The following IMMP2L variants were observed in gnomAD, a reference collection of about 807,000 sequenced individuals.
IMMP2L encodes the protein mitochondrial inner membrane protease subunit 2.
In IMMP2L, 18 loss-of-function variants were observed where a neutral mutation model predicts 19.3. That is an observed-to-expected ratio of 0.93 (90% CI 0.64 to 1.38). The LOEUF is 1.38. Ranked by LOEUF, IMMP2L falls within the 40% of genes most tolerant of loss-of-function variation. The pLI is 0.00. For missense variants in IMMP2L, 233 were observed against 218.2 expected (o/e 1.07, Z -0.43); for synonymous variants, 76 against 73.0 (o/e 1.04, Z -0.21).
At chr7:111,467,121 A>G (rs981582375) in intron 3 of IMMP2L, among the ~76,000 whole-genome samples, 54 of 152,180 alleles carry the variant, frequency 3.5e-4, no homozygotes, top group Non-Finnish European at 7.2e-4. Context: ...CCAAGTGGTC[A>G]AAAGCACAGC....
chr7:111,401,492 A>C (rs1050070239), intron 3 of IMMP2L, among the ~76,000 whole-genome samples: 2 of 152,168 alleles, frequency 1.3e-5, no homozygotes, highest in African/African-American at 4.8e-5. Flanking sequence ...TAGGATTAAA[A>C]CTGCAGTTCT....
At chr7:110,765,853 G>A (rs1049653127) in intron 5 of IMMP2L, among the ~76,000 whole-genome samples, 49 of 151,914 alleles carry the variant, frequency 3.2e-4, no homozygotes, top group Non-Finnish European at 5.7e-4. Flanking sequence ...TTTAAAGTAG[G>A]CTAGTATTTC....
At chr7:111,022,716 C>T (rs1585804088) in intron 3 of IMMP2L, among the ~76,000 whole-genome samples, 2 of 152,196 alleles carry the variant, frequency 1.3e-5, no homozygotes, top group East Asian at 3.8e-4. Flanking sequence ...GGACTAAAAA[C>T]AGAAGCAGAG....
At chr7:111,321,157 T>C (rs910149409) in intron 3 of IMMP2L, among the ~76,000 whole-genome samples, 7 of 152,008 alleles carry the variant, frequency 4.6e-5, no homozygotes, top group African/African-American at 1.4e-4. Flanking sequence ...GGAAAGTCAA[T>C]TGATCAAGAG....
intron 3 of IMMP2L, among the ~76,000 whole-genome samples, chr7:111,319,755 G>A (rs185440498): frequency 6.6e-6 from 1 of 151,756 alleles, no homozygotes; most frequent in Non-Finnish European, 1.5e-5. Context: ...TATGAAACAG[G>A]AAACAAACAG....
chr7:111,046,132 A>T (rs986301724), intron 3 of IMMP2L, among the ~76,000 whole-genome samples: 3 of 152,182 alleles, frequency 2.0e-5, no homozygotes, highest in Non-Finnish European at 4.4e-5. Flanking sequence ...CAAACAAATT[A>T]AAAAATACCA....
At chr7:111,407,202 A>T (rs750304760) in intron 3 of IMMP2L, among the ~76,000 whole-genome samples, 5 of 152,056 alleles carry the variant, frequency 3.3e-5, no homozygotes, top group Non-Finnish European at 7.4e-5. Context: ...TACACTGCTC[A>T]TGGGAATGTA....
intron 5 of IMMP2L, among the ~76,000 whole-genome samples, chr7:110,732,000 A>G (rs554880085): frequency 1.3e-5 from 2 of 152,338 alleles, no homozygotes; most frequent in South Asian, 4.1e-4. Context: ...ATTAATGAAG[A>G]CTATAAGAGC....
chr7:111,472,088 A>C (rs1016774025), intron 3 of IMMP2L, among the ~76,000 whole-genome samples: 3 of 152,130 alleles, frequency 2.0e-5, no homozygotes, highest in African/African-American at 7.2e-5. Flanking sequence ...CATAATCTCC[A>C]TAAGAGTATC....
At position 110,663,486 on chromosome 7, in the gene IMMP2L, A is replaced by G; in HGVS notation, c.*116T>C. ...TACAGATCGTTTTAATGTGCTGTAA[A>G]TATTTCTCGCACAGCATCATATTGT... On this transcript the variant is annotated 3_prime_UTR_variant, in exon 6 of 6. Coordinates refer to ENST00000405709, the MANE Select transcript of IMMP2L (RefSeq NM_032549.4). 1 of 836,132 alleles carries G rather than the reference A, an allele frequency of 1.2e-6. No homozygotes were observed. The allele number at this position is 836,132 out of a possible 1,614,324, so 51.8% of individuals were successfully genotyped here. A position where few individuals can be genotyped will look rare whatever the true frequency, so the allele number is the denominator to read the frequency against.
At chr7:110,973,260 C>A (rs559039063) in intron 3 of IMMP2L, among the ~76,000 whole-genome samples, 2 of 152,196 alleles carry the variant, frequency 1.3e-5, no homozygotes, top group East Asian at 3.9e-4. Context: ...GTGCATATGT[C>A]AAATCATCAC....
chr7:111,381,130 A>G (rs1392216948), intron 3 of IMMP2L, among the ~76,000 whole-genome samples: 1 of 152,004 alleles, frequency 6.6e-6, no homozygotes, highest in African/African-American at 2.4e-5. Context: ...ATTTCTAGGA[A>G]GTACATTAGT....
rs1822848160 is a variant in IMMP2L, at chr7:111,306,186, G to C, written c.239+181052C>G. On this transcript the variant is annotated intron_variant, in intron 3 of 5. Transcript: ENST00000405709. ...CATCAAAAAAATTTATAAATTCACA[G>C]AAGATTTTTAGAGCAGTGAAACTAC... 3.3e-5 allele frequency among the ~76,000 whole-genome samples: 5 copies of C among 152,158 alleles called. No individual in the cohort carries two copies. The South Asian group carries it at 1.0e-3, about 32-fold the overall frequency.
rs569911522 is a variant in IMMP2L at position 110,736,560 on chromosome 7, C to T, written c.409-72839G>A. ...GGGGGCAGGACTGTTCTGAGCTTTG[C>T]GGACCCAACTTCCACCCCAGTATAT... On this transcript the variant is annotated intron_variant, in intron 5 of 5. Coordinates refer to ENST00000405709, the MANE Select transcript of IMMP2L (RefSeq NM_032549.4). 1.4e-4 allele frequency among the ~76,000 whole-genome samples: 21 copies of T among 152,248 alleles called. No individual in the cohort carries two copies. In the South Asian group the frequency reaches 1.7e-3, roughly 12 times the overall value.
intron 3 of IMMP2L, among the ~76,000 whole-genome samples, chr7:111,328,731 T>C (rs1326974534): frequency 3.3e-5 from 5 of 151,720 alleles, no homozygotes; most frequent in Admixed American, 1.3e-4. Flanking sequence ...ATGTGGATAA[T>C]TGCTTGTCAT....
intron 4 of IMMP2L, among the ~76,000 whole-genome samples, chr7:110,929,309 T>G (rs1815216048): frequency 6.6e-6 from 1 of 152,134 alleles, no homozygotes. Context: ...GCTTTCATCA[T>G]AATCAACAAA....
chr7:110,949,670 G>C (rs1279796760), intron 4 of IMMP2L, among the ~76,000 whole-genome samples: 1 of 152,052 alleles, frequency 6.6e-6, no homozygotes, highest in Non-Finnish European at 1.5e-5. Flanking sequence ...AGTATGGCCT[G>C]CAAAACCAAG....
chr7:111,204,802 G>A (rs991706339), intron 3 of IMMP2L, among the ~76,000 whole-genome samples: 1 of 152,198 alleles, frequency 6.6e-6, no homozygotes, highest in Non-Finnish European at 1.5e-5. Context: ...CACAGAGTAA[G>A]TGTCTACAAT....
intron 5 of IMMP2L, among the ~76,000 whole-genome samples, chr7:110,672,660 G>T (rs566850521): frequency 4.6e-5 from 7 of 152,158 alleles, no homozygotes; most frequent in Non-Finnish European, 1.0e-4. Flanking sequence ...CCATTCCAAT[G>T]GGAGAAACTG....
Sources: gnomAD v4.1 joint callset for allele counts (sites outside exome capture counted in the v4.1 genomes callset) on GRCh38, gnomAD v4.1.1 for gene constraint, MANE v1.5 for transcripts, NCBI Gene and HGNC (gene_info 2026-07-23, HGNC 2026-07-21) for gene names.